The following RNLS variants were observed in gnomAD, a reference collection of about 807,000 sequenced individuals.
RNLS encodes renalase.
Under a neutral mutation model 39.8 loss-of-function variants are expected in RNLS, and 39 were observed. The observed-to-expected ratio is 0.98, with a 90% CI of 0.76 to 1.28. RNLS has a LOEUF of 1.28. Among genes scored for constraint, RNLS ranks in the 50% most tolerant of loss-of-function variants. RNLS has a pLI of 0.00. For missense variants in RNLS, 410 were observed against 413.3 expected (o/e 0.99, Z 0.07); for synonymous variants, 147 against 150.7 (o/e 0.98, Z 0.18).
the RNLS span, among the ~76,000 whole-genome samples, chr10:88,191,730 G>A: frequency 1.1e-4 from 17 of 152,166 alleles, no homozygotes; most frequent in Non-Finnish European, 2.5e-4. Flanking sequence ...TTCAAAATTA[G>A]CAGCAATGTA....
At chr10:88,564,451 A>G (rs1012176215) in intron 4 of RNLS, among the ~76,000 whole-genome samples, 1 of 152,108 alleles carries the variant, frequency 6.6e-6, no homozygotes, top group South Asian at 2.1e-4. Flanking sequence ...GGTGGAGATG[A>G]GTGCTATAAC....
In RNLS at chr10:88,573,049, T is replaced by C. The variant is rs771063272; in HGVS notation, c.380A>G (p.Tyr127Cys). ...HYLKESGAEV[Y>C]FRHRVTQINL... is the part of the protein sequence containing the mutation. ...GATCTGTGTCACACGATGTCTGAAG[T>C]AGACTTCTGCACCTGTTCCAAAAGC... Residue 127 changes from tyrosine (Y) to cysteine (C), a missense_variant, in exon 4 of 7, where the codon TAC becomes TGC. Coordinates refer to ENST00000331772, the MANE Select transcript of RNLS (RefSeq NM_001031709.3). The C allele has an allele frequency of 1.2e-6, 2 of 1,613,896 alleles. No homozygotes were observed. Among genetic ancestry groups the C allele is most frequent in the Non-Finnish European group, 8.5e-7 (1 of 1,179,850 alleles).
chr10:88,303,548 T>C (rs944388309), intron 6 of RNLS, among the ~76,000 whole-genome samples: 3 of 152,204 alleles, frequency 2.0e-5, no homozygotes, highest in Admixed American at 6.5e-5. Context: ...TGCCCACTCC[T>C]TCCCTGTACT....
the RNLS span, among the ~76,000 whole-genome samples, chr10:88,266,694 TACACACACACACACACACACAC>T: frequency 1.5e-5 from 2 of 134,120 alleles, no homozygotes; most frequent in African/African-American, 5.5e-5. Context: ...TTCTTTTAAA[TACACACACACACACACACACAC>T]ACACACACAC....
intron 6 of RNLS, among the ~76,000 whole-genome samples, chr10:88,276,334 A>G (rs1842814117): frequency 6.6e-6 from 1 of 152,128 alleles, no homozygotes; most frequent in African/African-American, 2.4e-5. Flanking sequence ...GTTAATTTCT[A>G]GAACTTCTTT....
intron 4 of RNLS, among the ~76,000 whole-genome samples, chr10:88,563,747 T>C (rs1161880677): frequency 1.3e-5 from 2 of 152,124 alleles, no homozygotes; most frequent in Non-Finnish European, 2.9e-5. Flanking sequence ...CCTGGAAAGT[T>C]AGAAAGGTAC....
intron 4 of RNLS, among the ~76,000 whole-genome samples, chr10:88,471,752 T>G (rs970196995): frequency 6.6e-6 from 1 of 152,124 alleles, no homozygotes; most frequent in African/African-American, 2.4e-5. Context: ...TGCAAGGTTT[T>G]TGTGGTCCCC....
chr10:88,270,054 A>T (rs551054563), downstream of RNLS, among the ~76,000 whole-genome samples: 2 of 152,270 alleles, frequency 1.3e-5, no homozygotes, highest in South Asian at 4.1e-4. Context: ...CAAACCCTTC[A>T]TATTTCTGAC....
chr10:88,454,250 T>C (rs1438676740), intron 4 of RNLS, among the ~76,000 whole-genome samples: 1 of 152,160 alleles, frequency 6.6e-6, no homozygotes, highest in African/African-American at 2.4e-5. Flanking sequence ...GAGTATCAAA[T>C]AAAACAAATG....
intron 4 of RNLS, among the ~76,000 whole-genome samples, chr10:88,551,349 C>T (rs181548261): frequency 2.0e-5 from 3 of 152,086 alleles, no homozygotes; most frequent in Non-Finnish European, 4.4e-5. Context: ...CACTGCTTCC[C>T]CCTTTAAAAA....
chr10:88,265,233 A>G, the RNLS span, among the ~76,000 whole-genome samples: 3 of 149,074 alleles, frequency 2.0e-5, no homozygotes, highest in Non-Finnish European at 3.0e-5. Context: ...TTTGGTGACT[A>G]TGGCCTTATA....
At chr10:88,430,300 T>C (rs1855056797) in intron 4 of RNLS, among the ~76,000 whole-genome samples, 2 of 151,804 alleles carry the variant, frequency 1.3e-5, no homozygotes, top group African/African-American at 4.8e-5. Context: ...CTAATTGTCA[T>C]TACTAATATA....
intron 5 of RNLS, among the ~76,000 whole-genome samples, chr10:88,354,103 G>A (rs1848951154): frequency 6.6e-6 from 1 of 152,170 alleles, no homozygotes; most frequent in Non-Finnish European, 1.5e-5. Context: ...TTGAGCCTAT[G>A]TGTGTCTCTG....
chr10:88,305,227 C>T (rs887940173), intron 6 of RNLS, among the ~76,000 whole-genome samples: 40 of 152,286 alleles, frequency 2.6e-4, no homozygotes, highest in African/African-American at 9.4e-4. Context: ...AAAGGAAAGA[C>T]GGTTACCAGC....
At chr10:88,260,112 C>T in the RNLS span, among the ~76,000 whole-genome samples, 1 of 152,136 alleles carries the variant, frequency 6.6e-6, no homozygotes, top group African/African-American at 2.4e-5. Flanking sequence ...TAACAGTACC[C>T]TACTCCTGGG....
At chr10:88,510,660 T>A (rs1349618596) in intron 4 of RNLS, among the ~76,000 whole-genome samples, 1 of 151,832 alleles carries the variant, frequency 6.6e-6, no homozygotes, top group Non-Finnish European at 1.5e-5. Context: ...CTGGCCAACA[T>A]GGTAAAATCC....
At chr10:88,327,665 C>CTCA (rs1208458597) in intron 5 of RNLS, among the ~76,000 whole-genome samples, 1 of 152,054 alleles carries the variant, frequency 6.6e-6, no homozygotes, top group Non-Finnish European at 1.5e-5. Context: ...GTTGATTGGC[C>CTCA]TCATATATAG....
At chr10:88,425,088 T>G (rs1386177678) in intron 4 of RNLS, among the ~76,000 whole-genome samples, 1 of 152,126 alleles carries the variant, frequency 6.6e-6, no homozygotes, top group African/African-American at 2.4e-5. Context: ...GTGATATCCA[T>G]GCCACAGCCA....
the RNLS span, among the ~76,000 whole-genome samples, chr10:88,210,051 A>T: frequency 6.6e-6 from 1 of 152,338 alleles, no homozygotes; most frequent in Non-Finnish European, 1.5e-5. Context: ...TCTCTGAACT[A>T]ATTGTACCGT....
Sources: gnomAD v4.1 joint callset for allele counts (sites outside exome capture counted in the v4.1 genomes callset) on GRCh38, gnomAD v4.1.1 for gene constraint, MANE v1.5 for transcripts, NCBI Gene and HGNC (gene_info 2026-07-23, HGNC 2026-07-21) for gene names.